The following VEGFC variants were observed in gnomAD, a reference collection of about 807,000 sequenced individuals.
The protein encoded by VEGFC is vascular endothelial growth factor C.
VEGFC carries 12 observed loss-of-function variants against 46.1 expected under a neutral mutation model. The ratio of observed to expected loss-of-function variants is 0.26; its 90% confidence interval spans 0.17 to 0.42. The LOEUF (loss-of-function observed/expected upper bound fraction) is 0.42, where lower values mean the gene tolerates loss of function less well. Among genes scored for constraint, VEGFC ranks in the 10% least tolerant of loss-of-function variants. VEGFC has a pLI of 1.00. For missense variants in VEGFC, 488 were observed against 529.4 expected (o/e 0.92, Z 0.77); for synonymous variants, 232 against 195.5 (o/e 1.19, Z -1.56).
intron 1 of VEGFC, among the ~76,000 whole-genome samples, chr4:176,745,088 C>T (rs777151888): frequency 2.6e-5 from 4 of 151,976 alleles, no homozygotes; most frequent in Non-Finnish European, 4.4e-5. Context: ...GTTTCAAGGA[C>T]AGGAAGTCCT....
At chr4:176,776,577 A>G (rs1735816544) in intron 1 of VEGFC, among the ~76,000 whole-genome samples, 1 of 152,258 alleles carries the variant, frequency 6.6e-6, no homozygotes, top group African/African-American at 2.4e-5. Flanking sequence ...TATATTTCAC[A>G]GGTGTGGCCA....
intron 4 of VEGFC, among the ~76,000 whole-genome samples, chr4:176,691,854 A>C (rs1734186377): frequency 6.6e-6 from 1 of 152,232 alleles, no homozygotes; most frequent in Non-Finnish European, 1.5e-5. Flanking sequence ...GCAACGCAGA[A>C]GACGGGTGAT....
chr4:176,752,998 A>T (rs545345955), intron 1 of VEGFC, among the ~76,000 whole-genome samples: 2 of 152,178 alleles, frequency 1.3e-5, no homozygotes, highest in East Asian at 3.9e-4. Context: ...AAATGCATGG[A>T]AACAGGTGCA....
At chr4:176,784,662 A>G (rs1471537075) in intron 1 of VEGFC, among the ~76,000 whole-genome samples, 1 of 147,888 alleles carries the variant, frequency 6.8e-6, no homozygotes, top group Non-Finnish European at 1.5e-5. Context: ...CTGAGGCAGG[A>G]GAATGGCGTG....
chr4:176,755,129 T>G (rs970255074), intron 1 of VEGFC, among the ~76,000 whole-genome samples: 2 of 152,204 alleles, frequency 1.3e-5, no homozygotes, highest in Non-Finnish European at 2.9e-5. Flanking sequence ...CATTCAGAAA[T>G]GCATGCAGAT....
chr4:176,684,162 A>T, intron 6 of VEGFC, 122 bp from the exon 7 acceptor site: 1 of 743,016 alleles, frequency 1.3e-6, no homozygotes, highest in Non-Finnish European at 2.2e-6. Context: ...TTTATGACGA[A>T]ATTGTTCATA....
At chr4:176,736,519 G>A (rs1376700346) in intron 1 of VEGFC, among the ~76,000 whole-genome samples, 2 of 151,454 alleles carry the variant, frequency 1.3e-5, no homozygotes, top group South Asian at 2.1e-4. Context: ...TTCTTGTGAT[G>A]ATTTAAAAAG....
intron 4 of VEGFC, among the ~76,000 whole-genome samples, chr4:176,708,998 T>C (rs912332619): frequency 4.6e-5 from 7 of 152,118 alleles, no homozygotes; most frequent in African/African-American, 1.7e-4. Context: ...TAGTGGCAAA[T>C]CTGAATTCAG....
intron 3 of VEGFC, among the ~76,000 whole-genome samples, chr4:176,727,549 T>C (rs1286520135): frequency 6.6e-6 from 1 of 152,198 alleles, no homozygotes; most frequent in East Asian, 1.9e-4. Context: ...TTGACTCCAC[T>C]ATATGAAGAG....
intron 1 of VEGFC, among the ~76,000 whole-genome samples, chr4:176,768,491 C>CATAT (rs145504348): frequency 0.051 from 5,089 of 100,550 alleles, 194 homozygotes; most frequent in Middle Eastern, 0.14. Flanking sequence ...ATGTTTTATA[C>CATAT]ATATATATAT....
chr4:176,762,490 G>C lies in VEGFC; in HGVS notation c.147+29675C>G, dbSNP rs568736559. On this transcript the variant is annotated intron_variant, in intron 1 of 6. Transcript: ENST00000618562. ...CCTGACCTGCCAGCAACTTGATCTT[G>C]AACGTTTCAATCTCTAGAACTGTGA... Among the ~76,000 whole-genome samples, 10 of 152,218 alleles carry C rather than the reference G, an allele frequency of 6.6e-5. No individual in the cohort carries two copies. In the South Asian group the frequency reaches 2.1e-3, roughly 32 times the overall value.
intron 3 of VEGFC, among the ~76,000 whole-genome samples, chr4:176,724,272 G>A (rs1020360517): frequency 3.3e-5 from 5 of 152,130 alleles, no homozygotes; most frequent in African/African-American, 9.7e-5. Flanking sequence ...AAAACTGTGG[G>A]GGGAAATGCT....
chr4:176,791,101 A>G (rs1271093544), intron 1 of VEGFC, among the ~76,000 whole-genome samples: 3 of 152,244 alleles, frequency 2.0e-5, no homozygotes, highest in Non-Finnish European at 4.4e-5. Flanking sequence ...ATTTCAAAAT[A>G]TAAGGCTATT....
At chr4:176,703,934 T>C (rs967473090) in intron 4 of VEGFC, among the ~76,000 whole-genome samples, 1 of 152,204 alleles carries the variant, frequency 6.6e-6, no homozygotes, top group African/African-American at 2.4e-5. Flanking sequence ...TTTCTTTCAC[T>C]GTCTTGCTTT....
chr4:176,781,525 A>G (rs933651725), intron 1 of VEGFC, among the ~76,000 whole-genome samples: 2 of 152,256 alleles, frequency 1.3e-5, no homozygotes, highest in Admixed American at 6.5e-5. Context: ...TCTGATATCA[A>G]CTAGCTACTT....
intron 1 of VEGFC, among the ~76,000 whole-genome samples, chr4:176,762,986 A>G (rs1442696872): frequency 1.3e-5 from 2 of 152,256 alleles, no homozygotes; most frequent in Admixed American, 1.3e-4. Context: ...GGAGACTGCA[A>G]GGAAATTTGC....
intron 1 of VEGFC, among the ~76,000 whole-genome samples, chr4:176,752,951 A>C (rs1735365022): frequency 6.6e-6 from 1 of 152,060 alleles, no homozygotes; most frequent in African/African-American, 2.4e-5. Flanking sequence ...ATGTTCAATA[A>C]ATAATTGTTA....
intron 4 of VEGFC, among the ~76,000 whole-genome samples, chr4:176,688,549 T>C (rs1734088687): frequency 6.6e-6 from 1 of 151,922 alleles, no homozygotes. Context: ...ATCAAAGATA[T>C]TTTGTTTCAT....
chr4:176,773,001 T>A lies in VEGFC; in HGVS notation c.147+19164A>T, dbSNP rs78887337. On this transcript the variant is annotated intron_variant, in intron 1 of 6. Coordinates refer to ENST00000618562, the MANE Select transcript of VEGFC (RefSeq NM_005429.5). ...CTTTGTGAAAAGAATTTCAATATTGTTAGAAAGTGCATGTATTTTCTTTAT... is the reference window on the plus strand; with the variant it reads ...CTTTGTGAAAAGAATTTCAATATTGATAGAAAGTGCATGTATTTTCTTTAT... Among the ~76,000 whole-genome samples, 1,096 of 152,348 alleles carry A rather than the reference T, an allele frequency of 7.2e-3. 13 individuals carry two copies. The highest frequency in any genetic ancestry group is 0.025 in the African/African-American group (1,044 of 41,582).
Sources: allele counts gnomAD v4.1 joint callset (sites outside exome capture counted in the v4.1 genomes callset), GRCh38; gene constraint gnomAD v4.1.1; transcripts MANE v1.5; gene names NCBI Gene and HGNC (gene_info 2026-07-23, HGNC 2026-07-21).